ECPAS: variants seen among roughly 807,000 people sequenced by gnomAD.
ECPAS encodes the protein Ecm29 proteasome adaptor and scaffold.
ECPAS carries 70 observed loss-of-function variants against 255.1 expected under a neutral mutation model. The observed-to-expected ratio is 0.27, with a 90% confidence interval of 0.23 to 0.33. The LOEUF is 0.33. Ranked by LOEUF, ECPAS falls within the 10% of genes least tolerant of loss-of-function variation. ECPAS has a pLI of 1.00. For synonymous variants in ECPAS, 784 were observed against 775.0 expected (o/e 1.01, Z -0.19); for missense variants, 1,817 against 2,206.4 (o/e 0.82, Z 3.54).
In ECPAS at chr9:111,408,689, T is replaced by C. The variant is rs1476912952; in HGVS notation, c.2551-17A>G. 1 of 1,503,628 alleles carries C rather than the reference T, an allele frequency of 6.7e-7. No individual in the cohort carries two copies. The highest frequency in any genetic ancestry group is 9.0e-7 in the Non-Finnish European group (1 of 1,116,580). The allele number at this position is 1,503,628 out of a possible 1,614,324, so 93.1% of individuals were successfully genotyped here. A position where few individuals can be genotyped will look rare whatever the true frequency, so the allele number is the denominator to read the frequency against. ...TTCTTTCATCTGGAAGAACACCAAA[T>C]TTTTTTCTTTTAAACAGAGTATATA... On this transcript the variant is annotated splice_polypyrimidine_tract_variant and intron_variant, in intron 23 of 49. Transcript: ENST00000684092.
chr9:111,408,108 A>G (rs2098188017), intron 24 of ECPAS, among the ~76,000 whole-genome samples: 1 of 152,218 alleles, frequency 6.6e-6, no homozygotes. Flanking sequence ...GGCTAGGAAA[A>G]GCAGGGCCAG....
chr9:111,466,288 T>C (rs540319167), intron 2 of ECPAS, among the ~76,000 whole-genome samples: 4 of 151,592 alleles, frequency 2.6e-5, no homozygotes, highest in South Asian at 2.1e-4. Flanking sequence ...CTAGTAAAAA[T>C]ACAAAAATTA....
chr9:111,386,455 A>G lies in ECPAS; in HGVS notation c.3449T>C (p.Val1150Ala). Reference sequence around the variant, plus strand: ...AAGAATTTCTTTCAAATATTTATCCACCTAATGAAAGCAAAAGGATAAAAT... The same window carrying G: ...AAGAATTTCTTTCAAATATTTATCCGCCTAATGAAAGCAAAAGGATAAAAT... Reference protein sequence around the residue: ...WNALVTDKSMVDKYLKEILQD... With the variant: ...WNALVTDKSMADKYLKEILQD... The change falls in exon 32 of 50, where the codon GTG becomes GCG. Residue 1150 changes from valine (V) to alanine (A), a missense_variant and splice_region_variant. Around this residue, in one of 4 missense-constraint regions of ECPAS, gnomAD observed 960 missense variants for 1,179.0 expected, o/e 0.81. Coordinates refer to ENST00000684092, the MANE Select transcript of ECPAS (RefSeq NM_001364929.1). The G allele has an allele frequency of 6.5e-7, 1 of 1,547,590 alleles. No homozygotes were observed. The highest frequency in any genetic ancestry group is 8.9e-7 in the Non-Finnish European group (1 of 1,125,972).
intron 2 of ECPAS, among the ~76,000 whole-genome samples, chr9:111,464,368 T>C (rs1241208712): frequency 3.4e-5 from 5 of 149,204 alleles, no homozygotes; most frequent in Non-Finnish European, 7.4e-5. Flanking sequence ...CCCTTAAGCC[T>C]GCAATGAGTT....
At chr9:111,371,560 A>G (rs1344668187) in intron 43 of ECPAS, 61 bp downstream of exon 43, 3 of 1,412,626 alleles carry the variant, frequency 2.1e-6, no homozygotes, top group African/African-American at 2.8e-5. Flanking sequence ...GATCGTTACT[A>G]TTATGCAAAA....
chr9:111,468,541 G>C (rs771815082), intron 2 of ECPAS, among the ~76,000 whole-genome samples: 11 of 151,820 alleles, frequency 7.2e-5, no homozygotes, highest in Non-Finnish European at 1.3e-4. Flanking sequence ...AAGAGGAAGG[G>C]GTGAACCAGT....
chr9:111,386,354 AC>A (rs749781844), intron 32 of ECPAS, 22 bp downstream of exon 32: 1 of 1,458,630 alleles, frequency 6.9e-7, no homozygotes, highest in African/African-American at 1.4e-5. Flanking sequence ...ATTTGACTAA[AC>A]TTATATTCCT....
At chr9:111,378,456 T>A (rs917434436) in intron 36 of ECPAS, 124 bp downstream of exon 36, 2 of 961,328 alleles carry the variant, frequency 2.1e-6, no homozygotes, top group Non-Finnish European at 3.0e-6. Context: ...AGTAAAACAC[T>A]GCATGTGGTG....
intron 2 of ECPAS, among the ~76,000 whole-genome samples, chr9:111,469,860 T>C (rs1315025444): frequency 1.3e-5 from 2 of 151,866 alleles, no homozygotes; most frequent in Admixed American, 6.6e-5. Flanking sequence ...AAATGTGATC[T>C]CTACTCCTGT....
At chr9:111,424,576 A>AAAT (rs3031128) in intron 12 of ECPAS, among the ~76,000 whole-genome samples, 151,035 of 152,306 alleles carry the variant, frequency 0.99, 74,890 homozygotes, top group Middle Eastern at 1. Context: ...CAGCAGGGAA[A>AAAT]GGGATTCAAA....
chr9:111,421,736 T>C (rs945051540), intron 15 of ECPAS, among the ~76,000 whole-genome samples, 185 bp downstream of exon 15: 2 of 152,148 alleles, frequency 1.3e-5, no homozygotes, highest in African/African-American at 4.8e-5. Context: ...AGCATCGCTA[T>C]GAATACTACC....
chr9:111,451,811 C>T (rs2131964591), intron 2 of ECPAS, among the ~76,000 whole-genome samples: 1 of 152,256 alleles, frequency 6.6e-6, no homozygotes, highest in East Asian at 1.9e-4. Context: ...CAACGTTATT[C>T]AGTTTTAACT....
In ECPAS at chr9:111,370,514, C is replaced by T; in HGVS notation, c.4895G>A (p.Cys1632Tyr). 1 of 1,611,458 alleles carries T rather than the reference C, an allele frequency of 6.2e-7. No individual in the cohort carries two copies. The highest frequency in any genetic ancestry group is 1.3e-5 in the African/African-American group (1 of 75,008). ...NVKYKIVAISCAADILKATKE... is the reference protein window; with the variant it reads ...NVKYKIVAISYAADILKATKE... The stretch of plus-strand genomic sequence containing the variant: ...GGTGGCCTTCAAGATATCAGCTGCA[C>T]AGCTGATTGCTACAATCTTGTATTT... The change falls in exon 45 of 50, where the codon TGT becomes TAT. Residue 1632 changes from cysteine to tyrosine, a missense_variant. Physicochemically the swap from Cys to Tyr is radical, Grantham distance 194. Coordinates refer to ENST00000684092, the MANE Select transcript of ECPAS (RefSeq NM_001364929.1).
chr9:111,435,667 G>C (rs1459137265), intron 7 of ECPAS, among the ~76,000 whole-genome samples: 2 of 151,090 alleles, frequency 1.3e-5, no homozygotes, highest in Non-Finnish European at 2.9e-5. Context: ...ATAAAGAGTA[G>C]CTTCAGTAAA....
chr9:111,425,791 G>A lies in ECPAS; in HGVS notation c.1088C>T (p.Ser363Leu). The change falls in exon 11 of 50, where the codon TCA (serine) becomes TTA (leucine). Residue 363 changes from serine to leucine, a missense_variant. By Grantham distance (145) the Ser-to-Leu change is moderately radical. Around this residue, in one of 4 missense-constraint regions of ECPAS, gnomAD observed 573 missense variants for 716.2 expected, o/e 0.80. Transcript: ENST00000684092. ...TTGCAGGGATAATGTTCTTAACTTT[G>A]AATTTGTATTTGTACCAAAAAGTCC... is the stretch of plus-strand genomic sequence containing the variant. Reference protein sequence around the residue: ...YDGLFGTNTNSKLRTLSLQFV... With the variant: ...YDGLFGTNTNLKLRTLSLQFV... 2.5e-6 allele frequency: 4 copies of A among 1,587,714 alleles called. No individual in the cohort carries two copies. The highest frequency in any genetic ancestry group is 3.5e-6 in the Non-Finnish European group (4 of 1,159,402).
intron 16 of ECPAS, 38 bp from the exon 17 acceptor site, chr9:111,418,044 T>C: frequency 6.5e-7 from 1 of 1,533,366 alleles, no homozygotes; most frequent in Non-Finnish European, 8.7e-7. Context: ...AAAATAAATG[T>C]CACCAATGGG....
rs576128074 is a variant in ECPAS at position 111,478,855 on chromosome 9, TA to T, written c.-83+5260del. 3.2e-3 allele frequency among the ~76,000 whole-genome samples: 492 copies of T among 152,372 alleles called. 2 individuals carry two copies. The highest frequency in any genetic ancestry group is 6.8e-3 in the Middle Eastern group (2 of 294). On this transcript the variant is annotated intron_variant, in intron 1 of 49. Coordinates refer to ENST00000684092, the MANE Select transcript of ECPAS (RefSeq NM_001364929.1). ...TTCTTCCTCTTCCTCAATAGTATTGTAATTCCTTTGGTGGGCTTTGGTGTCT... is the reference window on the plus strand; with the variant it reads ...TTCTTCCTCTTCCTCAATAGTATTGTATTCCTTTGGTGGGCTTTGGTGTCT...
intron 6 of ECPAS, among the ~76,000 whole-genome samples, chr9:111,437,473 G>T (rs2131879296): frequency 6.6e-6 from 1 of 152,300 alleles, no homozygotes; most frequent in Middle Eastern, 3.4e-3. Flanking sequence ...AAAGGGGACT[G>T]GGAGGAGCTA....
intron 24 of ECPAS, among the ~76,000 whole-genome samples, chr9:111,403,191 GAAAAA>G (rs34002065): frequency 1.7e-5 from 2 of 120,870 alleles, no homozygotes; most frequent in Admixed American, 8.9e-5. Context: ...CATCTCTACT[GAAAAA>G]AAAAAAAAAA....
Sources: allele counts gnomAD v4.1 joint callset (sites outside exome capture counted in the v4.1 genomes callset), GRCh38; gene constraint gnomAD v4.1.1; regional missense constraint gnomAD v4.1.1; transcripts MANE v1.5; gene names NCBI Gene and HGNC (gene_info 2026-07-23, HGNC 2026-07-21).